TBC1D22A: variants seen among roughly 807,000 people sequenced by gnomAD.
TBC1D22A encodes the protein TBC1 domain family member 22A, also known as putative GTPase activator.
A neutral mutation model predicts 60.2 loss-of-function variants in TBC1D22A; 38 were observed. That is an observed-to-expected ratio of 0.63 (90% CI 0.49 to 0.83). The LOEUF is 0.83. TBC1D22A is among the 40% of genes least tolerant of loss of function. The pLI is 0.00. For missense variants in TBC1D22A, 628 were observed against 701.0 expected (o/e 0.90, Z 1.18); for synonymous variants, 302 against 281.7 (o/e 1.07, Z -0.72).
chr22:47,036,823 C>G (rs572862618), intron 10 of TBC1D22A, among the ~76,000 whole-genome samples: 32 of 152,330 alleles, frequency 2.1e-4, no homozygotes, highest in Admixed American at 5.9e-4. Flanking sequence ...GTGAAGCACC[C>G]GAACATGTCC....
In TBC1D22A at chr22:46,997,708, T is replaced by A; in HGVS notation, c.1200T>A (p.Asp400Glu). The part of the protein sequence containing the change: ...KMLEELVSRI[D>E]EQVHRHLDQH... Reference sequence around the variant, plus strand: ...TAGAAGAACTCGTGAGCCGGATTGATGGTAAGCCAGCTTCCCGCGCAGCCC... The same window carrying A: ...TAGAAGAACTCGTGAGCCGGATTGAAGGTAAGCCAGCTTCCCGCGCAGCCC... Residue 400 changes from aspartate (D) to glutamate (E), a missense_variant and splice_region_variant, in exon 10 of 13, where the codon GAT (aspartate) becomes GAA (glutamate). Coordinates refer to ENST00000337137, the MANE Select transcript of TBC1D22A (RefSeq NM_014346.5). 6.2e-7 allele frequency: 1 copy of A among 1,614,002 alleles called. No homozygotes were observed. Among genetic ancestry groups the A allele is most frequent in the Non-Finnish European group, 8.5e-7 (1 of 1,179,990 alleles).
rs558976670 is a variant in TBC1D22A at position 47,085,339 on chromosome 22, T to TA, written c.1330-26168dup. Among the ~76,000 whole-genome samples the TA allele has an allele frequency of 4.4e-4, 67 of 152,298 alleles. No individual in the cohort carries two copies. The South Asian group carries it at 5.6e-3, about 13-fold the overall frequency. On this transcript the variant is annotated intron_variant, in intron 11 of 12. Coordinates refer to ENST00000337137, the MANE Select transcript of TBC1D22A (RefSeq NM_014346.5). ...TTTAAACCATTTAAAACTATAAAAATATCAGTTTTTGGTTGATCATGAATT... is the reference window on the plus strand; with the variant it reads ...TTTAAACCATTTAAAACTATAAAAATAATCAGTTTTTGGTTGATCATGAATT...
At chr22:46,862,080 C>T (rs530763355) in intron 4 of TBC1D22A, among the ~76,000 whole-genome samples, 29 of 152,286 alleles carry the variant, frequency 1.9e-4, no homozygotes, top group African/African-American at 6.5e-4. Flanking sequence ...TGTATGGCCT[C>T]CCTGGCCTTG....
In TBC1D22A at chr22:47,173,581, C is replaced by T. The variant is rs1314507896; in HGVS notation, c.1509C>T (p.Arg503=). ...DISLLLAEAY[R]LKFAFADAPN... is the part of the protein sequence containing the mutation. ...GCCTGTTGCTGGCCGAGGCCTACCG[C>T]CTCAAGTTTGCTTTTGCCGACGCCC... Residue 503 remains arginine (R), a synonymous_variant, in exon 13 of 13, where the codon CGC becomes CGT. Transcript: ENST00000337137. The T allele has an allele frequency of 2.5e-6, 4 of 1,614,164 alleles. No individual in the cohort carries two copies. The highest frequency in any genetic ancestry group is 2.2e-5 in the East Asian group (1 of 44,864).
intron 11 of TBC1D22A, among the ~76,000 whole-genome samples, chr22:47,046,103 G>A (rs1216291465): frequency 1.3e-5 from 2 of 152,204 alleles, no homozygotes; most frequent in Non-Finnish European, 2.9e-5. Flanking sequence ...GGGCCTCTGG[G>A]TGATGTGAGG....
At chr22:46,808,509 CA>C (rs1264410833) in intron 4 of TBC1D22A, among the ~76,000 whole-genome samples, 1 of 152,052 alleles carries the variant, frequency 6.6e-6, no homozygotes, top group Non-Finnish European at 1.5e-5. Flanking sequence ...CTTGGTTTTG[CA>C]TAGAGAGGTG....
chr22:46,816,918 T>A (rs1226805599), intron 4 of TBC1D22A, among the ~76,000 whole-genome samples: 1 of 152,232 alleles, frequency 6.6e-6, no homozygotes, highest in African/African-American at 2.4e-5. Flanking sequence ...TCTGATTCCC[T>A]AATTATCAGA....
At chr22:47,137,532 G>T (rs551800505) in intron 12 of TBC1D22A, among the ~76,000 whole-genome samples, 1 of 152,132 alleles carries the variant, frequency 6.6e-6, no homozygotes, top group African/African-American at 2.4e-5. Flanking sequence ...CTGACTGCAG[G>T]GGTGCTGGAT....
intron 9 of TBC1D22A, among the ~76,000 whole-genome samples, chr22:46,991,742 T>A (rs1013853165): frequency 4.6e-5 from 7 of 152,202 alleles, no homozygotes; most frequent in Non-Finnish European, 7.3e-5. Flanking sequence ...GAGCATTGCC[T>A]GGGTCTCACC....
intron 12 of TBC1D22A, among the ~76,000 whole-genome samples, chr22:47,151,452 A>G (rs918433291): frequency 2.6e-5 from 4 of 152,262 alleles, no homozygotes; most frequent in Admixed American, 1.3e-4. Flanking sequence ...TATTACAAGG[A>G]AAAAGATCAT....
At chr22:47,161,635 G>A (rs1043820205) in intron 12 of TBC1D22A, among the ~76,000 whole-genome samples, 2 of 152,216 alleles carry the variant, frequency 1.3e-5, no homozygotes, top group African/African-American at 4.8e-5. Context: ...GTGTTTGCTT[G>A]AGTGACCTGG....
At chr22:47,156,411 G>A (rs2067719430) in intron 12 of TBC1D22A, among the ~76,000 whole-genome samples, 1 of 152,214 alleles carries the variant, frequency 6.6e-6, no homozygotes, top group South Asian at 2.1e-4. Flanking sequence ...GGAGGCGGCA[G>A]CCCTGCCACG....
At chr22:46,950,439 TC>T (rs1029114612) in intron 8 of TBC1D22A, among the ~76,000 whole-genome samples, 28 of 152,294 alleles carry the variant, frequency 1.8e-4, no homozygotes, top group African/African-American at 6.7e-4. Context: ...TACGTTGTCC[TC>T]CCAGGCAGTC....
At position 47,174,966 on chromosome 22, in the gene TBC1D22A, T is replaced by G. The variant is rs1292588151; in HGVS notation, c.*1340T>G. The G allele has an allele frequency of 6.6e-6, 1 of 152,190 alleles. No individual in the cohort carries two copies. The highest frequency in any genetic ancestry group is 1.9e-4 in the East Asian group (1 of 5,186). 9.4% of individuals were successfully genotyped at this position (152,190 alleles called of 1,614,324 possible). On this transcript the variant is annotated 3_prime_UTR_variant, in exon 13 of 13. Coordinates refer to ENST00000337137, the MANE Select transcript of TBC1D22A (RefSeq NM_014346.5). ...CGGGCAGGGCCACAGCCACAGTCTG[T>G]CTGATCCCTGAGCCCAGGACAGGCT...
At chr22:47,081,318 C>T (rs1337495921) in intron 11 of TBC1D22A, among the ~76,000 whole-genome samples, 2 of 152,206 alleles carry the variant, frequency 1.3e-5, no homozygotes, top group Non-Finnish European at 2.9e-5. Flanking sequence ...TAGAAACGCT[C>T]CATAAACTAG....
chr22:47,126,113 C>T (rs2066446760), intron 12 of TBC1D22A, among the ~76,000 whole-genome samples: 1 of 152,176 alleles, frequency 6.6e-6, no homozygotes, highest in African/African-American at 2.4e-5. Context: ...TCCCGAGTAG[C>T]TGGGACTACA....
At chr22:46,987,777 G>T (rs1412410428) in intron 9 of TBC1D22A, among the ~76,000 whole-genome samples, 1 of 152,170 alleles carries the variant, frequency 6.6e-6, no homozygotes, top group East Asian at 1.9e-4. Context: ...AGTTGGGGTG[G>T]CTGTGGCAAT....
chr22:46,884,388 C>T (rs2068005301), intron 5 of TBC1D22A, among the ~76,000 whole-genome samples: 1 of 152,222 alleles, frequency 6.6e-6, no homozygotes, highest in South Asian at 2.1e-4. Flanking sequence ...CCCGTTCCCT[C>T]ACTGTGTTTC....
chr22:47,019,142 C>T (rs1044273438), intron 10 of TBC1D22A, among the ~76,000 whole-genome samples: 3 of 152,198 alleles, frequency 2.0e-5, no homozygotes, highest in Admixed American at 6.5e-5. Context: ...GGAGGGAGCA[C>T]GGAGCCTGCG....
Sources: gnomAD v4.1 joint callset for allele counts (sites outside exome capture counted in the v4.1 genomes callset) on GRCh38, gnomAD v4.1.1 for gene constraint, MANE v1.5 for transcripts, NCBI Gene and HGNC (gene_info 2026-07-23, HGNC 2026-07-21) for gene names.